The following CHCHD3 variants were observed in gnomAD, a reference collection of about 807,000 sequenced individuals.
CHCHD3 encodes MICOS complex subunit MIC19.
In CHCHD3, 20 loss-of-function variants were observed where a neutral mutation model predicts 38.2. The observed-to-expected ratio is 0.52, with a 90% CI of 0.37 to 0.76. The LOEUF is 0.76. Ranked by LOEUF, CHCHD3 falls within the 30% of genes least tolerant of loss-of-function variation. The pLI is 0.00. For missense variants in CHCHD3, 245 were observed against 279.2 expected, an observed-to-expected ratio of 0.88 and a Z score of 0.87; for synonymous variants, 82 against 100.0, an observed-to-expected ratio of 0.82 and a Z score of 1.07.
chr7:133,006,203 C>T (rs1294592153), intron 3 of CHCHD3, among the ~76,000 whole-genome samples: 5 of 152,274 alleles, frequency 3.3e-5, no homozygotes, highest in South Asian at 2.1e-4. Flanking sequence ...CAGTGGCTCA[C>T]GCCTGTAATC....
chr7:132,980,046 T>C (rs1811878463), intron 3 of CHCHD3, among the ~76,000 whole-genome samples: 2 of 152,208 alleles, frequency 1.3e-5, no homozygotes, highest in Admixed American at 6.5e-5. Context: ...CATGGAGCTA[T>C]ACTATTCAAC....
chr7:132,853,005 C>T (rs1389146917), intron 5 of CHCHD3, among the ~76,000 whole-genome samples: 2 of 152,190 alleles, frequency 1.3e-5, no homozygotes, highest in Non-Finnish European at 2.9e-5. Context: ...TTGCTGTGCT[C>T]CTCAGCACCA....
At chr7:132,920,555 C>A (rs1017926081) in intron 4 of CHCHD3, among the ~76,000 whole-genome samples, 1 of 152,162 alleles carries the variant, frequency 6.6e-6, no homozygotes, top group Non-Finnish European at 1.5e-5. Context: ...AATACTGTCT[C>A]AACTTGTTTT....
intron 5 of CHCHD3, among the ~76,000 whole-genome samples, chr7:132,867,597 G>T (rs1360906174): frequency 6.6e-6 from 1 of 152,100 alleles, no homozygotes; most frequent in Non-Finnish European, 1.5e-5. Context: ...AACGTCCACA[G>T]ATAAAGAAAG....
At chr7:132,971,697 A>G (rs1390387467) in intron 4 of CHCHD3, among the ~76,000 whole-genome samples, 1 of 152,178 alleles carries the variant, frequency 6.6e-6, no homozygotes, top group African/African-American at 2.4e-5. Flanking sequence ...CCGTGCTTTC[A>G]CCCTCGCTCT....
In CHCHD3 at chr7:133,070,204, A is replaced by G; in HGVS notation, c.107T>C (p.Met36Thr). 6.2e-7 allele frequency: 1 copy of G among 1,613,646 alleles called. No individual in the cohort carries two copies. Among genetic ancestry groups the G allele is most frequent in the Non-Finnish European group, 8.5e-7 (1 of 1,179,944 alleles). ...CGAACCAGATGGAGAGGATTCCTTC[A>G]TTCGATCAATCACATTTTCCGAAAG... ...IRLSENVIDR[M>T]KESSPSGSKS... is the part of the protein sequence containing the mutation. Residue 36 changes from methionine to threonine, a missense_variant, in exon 2 of 8, where the codon ATG (methionine) becomes ACG (threonine). Coordinates refer to ENST00000262570, the MANE Select transcript of CHCHD3 (RefSeq NM_017812.4).
chr7:132,796,295 C>T, intron 7 of CHCHD3, 147 bp downstream of exon 7: 1 of 793,206 alleles, frequency 1.3e-6, no homozygotes, highest in Non-Finnish European at 2.0e-6. Context: ...ATGCCCTAAT[C>T]AACTCATTAC....
At chr7:132,831,311 T>C (rs2117084397) in intron 6 of CHCHD3, among the ~76,000 whole-genome samples, 1 of 152,326 alleles carries the variant, frequency 6.6e-6, no homozygotes, top group South Asian at 2.1e-4. Context: ...AGTGTCTTAC[T>C]GAGATACACC....
intron 2 of CHCHD3, among the ~76,000 whole-genome samples, chr7:133,052,916 T>G (rs79392708): frequency 0.026 from 3,927 of 152,286 alleles, 140 homozygotes; most frequent in African/African-American, 0.082. Flanking sequence ...CAAAAACCCA[T>G]GATAAGCCTG....
intron 4 of CHCHD3, among the ~76,000 whole-genome samples, chr7:132,945,519 G>T (rs1256517523): frequency 6.6e-6 from 1 of 151,802 alleles, no homozygotes; most frequent in Non-Finnish European, 1.5e-5. Context: ...GTGATTAAAT[G>T]ACCTCAAACT....
chr7:132,920,586 T>C (rs1249697719), intron 4 of CHCHD3, among the ~76,000 whole-genome samples: 1 of 152,178 alleles, frequency 6.6e-6, no homozygotes, highest in Admixed American at 6.5e-5. Context: ...GTTTATTTGT[T>C]TACTCTGTCG....
intron 6 of CHCHD3, among the ~76,000 whole-genome samples, chr7:132,804,966 G>A (rs1234836482): frequency 1.3e-5 from 2 of 152,206 alleles, no homozygotes; most frequent in East Asian, 1.9e-4. Flanking sequence ...TACTTGAAGA[G>A]GAGAATGCTT....
chr7:132,898,728 C>T (rs1456221412), intron 4 of CHCHD3, among the ~76,000 whole-genome samples: 1 of 152,256 alleles, frequency 6.6e-6, no homozygotes, highest in East Asian at 1.9e-4. Flanking sequence ...GCATGGCGGG[C>T]TGCAGGTCCC....
chr7:132,940,667 T>C (rs1487187083), intron 4 of CHCHD3, among the ~76,000 whole-genome samples: 1 of 152,234 alleles, frequency 6.6e-6, no homozygotes, highest in African/African-American at 2.4e-5. Flanking sequence ...TTTCCACTAC[T>C]GCTGTGATGG....
chr7:132,814,531 C>T (rs1278197402), intron 6 of CHCHD3, among the ~76,000 whole-genome samples: 1 of 152,186 alleles, frequency 6.6e-6, no homozygotes, highest in Non-Finnish European at 1.5e-5. Context: ...AGAAGATGGA[C>T]TAGGAGGATT....
chr7:133,031,078 T>C (rs1156483428), intron 2 of CHCHD3, among the ~76,000 whole-genome samples: 7 of 152,154 alleles, frequency 4.6e-5, no homozygotes, highest in Non-Finnish European at 8.8e-5. Flanking sequence ...GCTATAAATT[T>C]GAGTTCAGGA....
intron 3 of CHCHD3, among the ~76,000 whole-genome samples, chr7:132,985,975 G>A (rs941973510): frequency 6.6e-6 from 1 of 151,994 alleles, no homozygotes. Flanking sequence ...GGAGAAGGTG[G>A]GGAAAAGATT....
In CHCHD3 at chr7:133,024,639, A is replaced by G. The variant is rs1192277851; in HGVS notation, c.170-12T>C. On this transcript the variant is annotated splice_polypyrimidine_tract_variant and intron_variant, in intron 2 of 7. Coordinates refer to ENST00000262570, the MANE Select transcript of CHCHD3 (RefSeq NM_017812.4). ...TTCTTCATCAGAAACTAGAATCGAT[A>G]AAGAGCAGAAGGAGATAAAATAGGT... 6.3e-7 allele frequency: 1 copy of G among 1,589,696 alleles called. No individual in the cohort carries two copies. Among genetic ancestry groups the G allele is most frequent in the Non-Finnish European group, 8.6e-7 (1 of 1,157,766 alleles).
intron 4 of CHCHD3, among the ~76,000 whole-genome samples, chr7:132,908,101 T>C (rs1809841688): frequency 6.6e-6 from 1 of 152,188 alleles, no homozygotes; most frequent in African/African-American, 2.4e-5. Context: ...AATTAATTAA[T>C]TAAGGAAAAT....
Sources: allele counts gnomAD v4.1 joint callset (sites outside exome capture counted in the v4.1 genomes callset), GRCh38; gene constraint gnomAD v4.1.1; transcripts MANE v1.5; gene names NCBI Gene and HGNC (gene_info 2026-07-23, HGNC 2026-07-21).